OGA: variants seen among roughly 807,000 people sequenced by gnomAD.
OGA encodes protein O-GlcNAcase.
A neutral mutation model predicts 102.0 loss-of-function variants in OGA; 21 were observed. The ratio of observed to expected loss-of-function variants is 0.21; its 90% confidence interval spans 0.15 to 0.30. OGA has a LOEUF of 0.30. OGA is among the 10% of genes least tolerant of loss of function. The probability of loss-of-function intolerance (pLI) is 1.00; values close to 1 mark genes in which losing one functional copy is unlikely to be tolerated. For missense variants in OGA, 765 were observed against 1,107.8 expected (o/e 0.69, Z 4.39); for synonymous variants, 408 against 378.2 (o/e 1.08, Z -0.91).
At position 101,810,163 on chromosome 10, in the gene OGA, G is replaced by T. The variant is rs2065534679; in HGVS notation, c.480+21C>A. On this transcript the variant is annotated intron_variant, in intron 4 of 15. Transcript: ENST00000361464. ...TTTCAAGTACATAGTCAGGAAAAATGAATAAAAAGTAAGGAGTTACCTGGT... is the reference window on the plus strand; with the variant it reads ...TTTCAAGTACATAGTCAGGAAAAATTAATAAAAAGTAAGGAGTTACCTGGT... The T allele has an allele frequency of 2.5e-6, 4 of 1,590,910 alleles. 1 individual carries two copies. In the South Asian group the frequency reaches 4.6e-5, roughly 18 times the overall value.
In OGA at chr10:101,800,092, C is replaced by T. The variant is rs929454548; in HGVS notation, c.1195+150G>A. The T allele has an allele frequency of 4.0e-5, 31 of 766,292 alleles. No individual in the cohort carries two copies. In the Middle Eastern group the frequency reaches 1.5e-3, roughly 37 times the overall value. 47.5% of individuals were successfully genotyped at this position (766,292 alleles called of 1,614,324 possible). On this transcript the variant is annotated intron_variant, in intron 8 of 15. Coordinates refer to ENST00000361464, the MANE Select transcript of OGA (RefSeq NM_012215.5). The stretch of plus-strand genomic sequence containing the variant: ...TTCACTATGTTGGCCAGGCTGGTCT[C>T]GAACTCCTGACCTCAGGTGATCCGC...
chr10:101,787,250 A>G, intron 15 of OGA, 114 bp downstream of exon 15: 1 of 1,109,786 alleles, frequency 9.0e-7, no homozygotes, highest in Non-Finnish European at 1.3e-6. Flanking sequence ...AAATCATAAA[A>G]GGTGGGAAAA....
rs565050313 is a variant in OGA at position 101,811,702 on chromosome 10, G to C, written c.349+1328C>G. Among the ~76,000 whole-genome samples, 7 of 151,906 alleles carry C rather than the reference G, an allele frequency of 4.6e-5. No homozygotes were observed. In the East Asian group the frequency reaches 1.2e-3, roughly 25 times the overall value. On this transcript the variant is annotated intron_variant, in intron 3 of 15. Coordinates refer to ENST00000361464, the MANE Select transcript of OGA (RefSeq NM_012215.5). Reference sequence around the variant, plus strand: ...GTGACAAACGCTGTCTCCAAAAAAAGAAAAAGAAAAAGAACCAGAGTTAAG... The same window carrying C: ...GTGACAAACGCTGTCTCCAAAAAAACAAAAAGAAAAAGAACCAGAGTTAAG...
At chr10:101,798,805 C>T in intron 9 of OGA, 37 bp downstream of exon 9, 2 of 1,583,590 alleles carry the variant, frequency 1.3e-6, no homozygotes, top group Non-Finnish European at 1.7e-6. Flanking sequence ...TGGGGAACCA[C>T]CCAGGCTTCA....
chr10:101,812,577 G>A (rs1044239994), intron 3 of OGA, among the ~76,000 whole-genome samples: 3 of 152,176 alleles, frequency 2.0e-5, no homozygotes, highest in African/African-American at 7.2e-5. Context: ...TAAAATTTTA[G>A]CATTGTGTAC....
intron 12 of OGA, chr10:101,792,612 C>T (rs1449790917): frequency 2.2e-6 from 1 of 448,224 alleles, no homozygotes; most frequent in African/African-American, 2.0e-5. Context: ...ACTCTGAATA[C>T]ATTTCATCTG....
At position 101,791,347 on chromosome 10, in the gene OGA, C is replaced by CT; in HGVS notation, c.2261+6_2261+7insA. On this transcript the variant is annotated splice_region_variant and intron_variant, in intron 13 of 15. Transcript: ENST00000361464. The stretch of plus-strand genomic sequence containing the variant: ...TCTACTCTCAAATCCAAATACTTAT[C>CT]ACATACTTGTCTCCAATAAGATCAG... 6.2e-7 allele frequency: 1 copy of CT among 1,606,396 alleles called. No homozygotes were observed.
intron 10 of OGA, 103 bp downstream of exon 10, chr10:101,797,877 C>T: frequency 8.4e-7 from 1 of 1,193,416 alleles, no homozygotes; most frequent in Non-Finnish European, 1.2e-6. Flanking sequence ...ATTGAAGAGA[C>T]TTGGAAATGT....
intron 11 of OGA, 86 bp from the exon 12 acceptor site, chr10:101,793,029 A>C: frequency 9.9e-7 from 1 of 1,010,598 alleles, no homozygotes. Context: ...TTACCAACTT[A>C]TATTAACTGG....
chr10:101,803,558 C>T (rs1301434107), intron 7 of OGA, among the ~76,000 whole-genome samples, 177 bp downstream of exon 7: 1 of 151,270 alleles, frequency 6.6e-6, no homozygotes, highest in Non-Finnish European at 1.5e-5. Flanking sequence ...CAGAATGAAA[C>T]AACATACCAT....
At chr10:101,804,152 T>C in intron 6 of OGA, 133 bp from the exon 7 acceptor site, 1 of 599,102 alleles carries the variant, frequency 1.7e-6, no homozygotes. Flanking sequence ...CGGACCAGCC[T>C]GGGCAACACA....
intron 12 of OGA, among the ~76,000 whole-genome samples, chr10:101,792,250 C>T (rs1340322188): frequency 6.6e-6 from 1 of 152,072 alleles, no homozygotes; most frequent in Non-Finnish European, 1.5e-5. Flanking sequence ...CCTCGTGATC[C>T]GCCTGTCTCG....
intron 1 of OGA, among the ~76,000 whole-genome samples, chr10:101,813,828 A>AT (rs1564651530): frequency 1.3e-5 from 2 of 151,946 alleles, no homozygotes; most frequent in Admixed American, 6.6e-5. Context: ...AATTTTTTTT[A>AT]TTTTTTCTAC....
intron 14 of OGA, among the ~76,000 whole-genome samples, chr10:101,790,265 GTTTTTT>G (rs869235919): frequency 1.2e-5 from 1 of 86,386 alleles, no homozygotes; most frequent in African/African-American, 4.7e-5. Flanking sequence ...ATAATATCTT[GTTTTTT>G]TTTTTTTTTT....
intron 5 of OGA, 109 bp from the exon 6 acceptor site, chr10:101,806,252 G>T: frequency 1.6e-6 from 1 of 641,610 alleles, no homozygotes; most frequent in Non-Finnish European, 2.8e-6. Context: ...GCCCAGGCTA[G>T]AGTGCAGTGG....
intron 11 of OGA, among the ~76,000 whole-genome samples, chr10:101,793,268 A>T (rs1183717880): frequency 6.6e-6 from 1 of 152,230 alleles, no homozygotes; most frequent in East Asian, 1.9e-4. Flanking sequence ...TCTTAGATAG[A>T]CCATCTCCCT....
intron 1 of OGA, among the ~76,000 whole-genome samples, chr10:101,817,580 G>A (rs1203148274): frequency 1.3e-5 from 2 of 152,118 alleles, no homozygotes; most frequent in Non-Finnish European, 2.9e-5. Flanking sequence ...TTAGGAGGTG[G>A]CCTGGCTCCA....
intron 14 of OGA, among the ~76,000 whole-genome samples, chr10:101,789,686 T>C (rs2065233773): frequency 6.6e-6 from 1 of 151,798 alleles, no homozygotes; most frequent in Non-Finnish European, 1.5e-5. Context: ...AAAAAATGCA[T>C]ATACTGGCCA....
chr10:101,796,879 C>T (rs891799158), intron 10 of OGA, among the ~76,000 whole-genome samples: 8 of 151,906 alleles, frequency 5.3e-5, no homozygotes, highest in Middle Eastern at 3.2e-3. Context: ...GGTGAGCAAC[C>T]GCGCCCGAAG....
Sources: gnomAD v4.1 joint callset for allele counts (sites outside exome capture counted in the v4.1 genomes callset) on GRCh38, gnomAD v4.1.1 for gene constraint, MANE v1.5 for transcripts, NCBI Gene and HGNC (gene_info 2026-07-23, HGNC 2026-07-21) for gene names.